Variants in CTDSPL2 observed in about 807,000 individuals in gnomAD.
CTDSPL2 encodes the protein CTD small phosphatase-like protein 2.
CTDSPL2 carries 5 observed loss-of-function variants against 60.0 expected under a neutral mutation model. The ratio of observed to expected loss-of-function variants is 0.08; its 90% CI spans 0.04 to 0.18. The LOEUF is 0.18. CTDSPL2 is among the 10% of genes least tolerant of loss of function. The pLI, the probability that CTDSPL2 is intolerant of heterozygous loss-of-function variation, is 1.00. For missense variants in CTDSPL2, 370 were observed against 548.8 expected, an observed-to-expected ratio of 0.67 and a Z score of 3.26; for synonymous variants, 186 against 189.3, an observed-to-expected ratio of 0.98 and a Z score of 0.14.
At chr15:44,428,024 A>C (rs2079781437) in intron 1 of CTDSPL2, 1 of 232,546 alleles carries the variant, frequency 4.3e-6, no homozygotes, top group South Asian at 1.8e-4. Flanking sequence ...CTGCGTTGTG[A>C]TTTCTGGGGT....
intron 12 of CTDSPL2, among the ~76,000 whole-genome samples, chr15:44,522,589 C>T (rs1196938758): frequency 6.6e-6 from 1 of 151,966 alleles, no homozygotes; most frequent in Non-Finnish European, 1.5e-5. Context: ...CCCATCTCTA[C>T]TAAAAATATA....
At chr15:44,470,375 T>C (rs1346831807) in intron 2 of CTDSPL2, 3 of 152,080 alleles carry the variant, frequency 2.0e-5, no homozygotes, top group Non-Finnish European at 1.5e-5. Flanking sequence ...GCCATACAGT[T>C]TTCTTACTTA....
chr15:44,450,980 T>C (rs1368275364), intron 1 of CTDSPL2, among the ~76,000 whole-genome samples: 1 of 152,212 alleles, frequency 6.6e-6, no homozygotes, highest in Non-Finnish European at 1.5e-5. Context: ...AGTATAATTA[T>C]AAATATTGAT....
At chr15:44,484,455 C>T in intron 3 of CTDSPL2, 93 bp downstream of exon 3, 3 of 1,244,638 alleles carry the variant, frequency 2.4e-6, no homozygotes, top group Non-Finnish European at 3.4e-6. Context: ...TACTTTGAGG[C>T]CGGGTGCAGT....
intron 1 of CTDSPL2, among the ~76,000 whole-genome samples, chr15:44,432,630 A>AT (rs1055006217): frequency 7.2e-6 from 1 of 139,386 alleles, no homozygotes; most frequent in African/African-American, 2.7e-5. Flanking sequence ...TATTATTATT[A>AT]TTTTTTTGAA....
At chr15:44,522,313 C>T (rs529233599) in intron 12 of CTDSPL2, among the ~76,000 whole-genome samples, 1 of 152,112 alleles carries the variant, frequency 6.6e-6, no homozygotes, top group Non-Finnish European at 1.5e-5. Context: ...GGATTACAGA[C>T]GTGAGCCATC....
At chr15:44,464,130 TTCCCGA>T (rs1348630380) in intron 2 of CTDSPL2, among the ~76,000 whole-genome samples, 1 of 152,090 alleles carries the variant, frequency 6.6e-6, no homozygotes, top group Non-Finnish European at 1.5e-5. Flanking sequence ...CTGTCTCAGC[TTCCCGA>T]GTAGCTGGGA....
intron 2 of CTDSPL2, among the ~76,000 whole-genome samples, chr15:44,462,268 T>A (rs1469571870): frequency 6.6e-6 from 1 of 152,182 alleles, no homozygotes; most frequent in African/African-American, 2.4e-5. Context: ...TAAATTATAC[T>A]TTTTGTCCTT....
intron 8 of CTDSPL2, among the ~76,000 whole-genome samples, chr15:44,507,436 G>A (rs974616313): frequency 1.3e-5 from 2 of 152,002 alleles, no homozygotes; most frequent in Admixed American, 6.6e-5. Context: ...ATTTTTATTG[G>A]TTTTAGTGTT....
intron 1 of CTDSPL2, among the ~76,000 whole-genome samples, chr15:44,434,694 C>A (rs930317203): frequency 6.6e-6 from 1 of 152,132 alleles, no homozygotes; most frequent in African/African-American, 2.4e-5. Flanking sequence ...GTCACTGTGC[C>A]CGGCCAAAAA....
At chr15:44,515,515 G>A (rs2081634159) in intron 10 of CTDSPL2, among the ~76,000 whole-genome samples, 1 of 152,166 alleles carries the variant, frequency 6.6e-6, no homozygotes, top group Non-Finnish European at 1.5e-5. Context: ...TCCTTTAAGA[G>A]GAGGGGTTAA....
intron 8 of CTDSPL2, among the ~76,000 whole-genome samples, chr15:44,514,177 G>T (rs2081612761): frequency 6.6e-6 from 1 of 152,182 alleles, no homozygotes; most frequent in African/African-American, 2.4e-5. Context: ...TTGTTTGAAG[G>T]AATTCTGAGT....
At chr15:44,495,760 C>G (rs992756940) in intron 5 of CTDSPL2, among the ~76,000 whole-genome samples, 11 of 151,716 alleles carry the variant, frequency 7.3e-5, no homozygotes, top group African/African-American at 2.4e-4. Flanking sequence ...ATGGAGAAAC[C>G]CAGTCTCTAC....
intron 1 of CTDSPL2, among the ~76,000 whole-genome samples, chr15:44,439,173 G>C (rs1255600857): frequency 6.6e-6 from 1 of 150,978 alleles, no homozygotes; most frequent in Non-Finnish European, 1.5e-5. Flanking sequence ...TTTTAAGATA[G>C]AGTCTCGCTC....
intron 1 of CTDSPL2, among the ~76,000 whole-genome samples, chr15:44,454,861 A>G (rs536010964): frequency 2.0e-4 from 30 of 152,224 alleles, no homozygotes; most frequent in East Asian, 5.8e-4. Flanking sequence ...CAGGTAGCGT[A>G]ATGCCTCCAG....
intron 2 of CTDSPL2, among the ~76,000 whole-genome samples, chr15:44,477,573 A>C (rs931365746): frequency 1.3e-5 from 2 of 151,318 alleles, no homozygotes; most frequent in Non-Finnish European, 2.9e-5. Flanking sequence ...ACGGTGGCTC[A>C]TGCCTGTAAT....
Position 44,493,873 on chromosome 15 carries a change from A to AT in CTDSPL2, c.692-2498dup, listed in dbSNP as rs902851504. On this transcript the variant is annotated intron_variant, in intron 5 of 12. Coordinates refer to ENST00000260327, the MANE Select transcript of CTDSPL2 (RefSeq NM_016396.3). Reference sequence around the variant, plus strand: ...ACTTGAAATGGTAAAGTTGTTGGAGATTTTTTTTTGTGCTGATTATTGGAA... The same window carrying AT: ...ACTTGAAATGGTAAAGTTGTTGGAGATTTTTTTTTTGTGCTGATTATTGGAA... Among the ~76,000 whole-genome samples the AT allele has an allele frequency of 1.1e-4, 17 of 151,696 alleles. No homozygotes were observed. The South Asian group carries it at 2.5e-3, about 22-fold the overall frequency.
At chr15:44,435,832 C>G (rs141409431) in intron 1 of CTDSPL2, among the ~76,000 whole-genome samples, 4,092 of 152,120 alleles carry the variant, frequency 0.027, 94 homozygotes, top group East Asian at 0.1. Flanking sequence ...GTCTCGAACT[C>G]CAGACCTCAA....
intron 5 of CTDSPL2, among the ~76,000 whole-genome samples, chr15:44,493,722 C>T (rs978294859): frequency 6.6e-6 from 1 of 152,126 alleles, no homozygotes; most frequent in Admixed American, 6.6e-5. Context: ...ATTGCTTGAG[C>T]CTGTGAGGTC....
Sources: gnomAD v4.1 joint callset for allele counts (sites outside exome capture counted in the v4.1 genomes callset) on GRCh38, gnomAD v4.1.1 for gene constraint, MANE v1.5 for transcripts, NCBI Gene and HGNC (gene_info 2026-07-23, HGNC 2026-07-21) for gene names.